PHIP: variants seen among roughly 807,000 people sequenced by gnomAD.
PHIP encodes the protein PH-interacting protein.
PHIP carries 54 observed loss-of-function variants against 236.8 expected under a neutral mutation model. The ratio of observed to expected loss-of-function variants is 0.23; its 90% CI spans 0.18 to 0.29. PHIP has a LOEUF of 0.29. PHIP is among the 10% of genes least tolerant of loss of function. The pLI is 1.00. For missense variants in PHIP, 1,370 were observed against 2,190.8 expected (o/e 0.63, Z 7.48); for synonymous variants, 756 against 718.9 (o/e 1.05, Z -0.83).
chr6:78,993,036 T>A (rs572739040), intron 19 of PHIP, among the ~76,000 whole-genome samples: 1 of 152,200 alleles, frequency 6.6e-6, no homozygotes, highest in Non-Finnish European at 1.5e-5. Context: ...AGGAATGATA[T>A]GAAAGTGAAG....
chr6:78,969,778 C>A, intron 27 of PHIP, 57 bp downstream of exon 27: 3 of 776,992 alleles, frequency 3.9e-6, no homozygotes, highest in Middle Eastern at 2.4e-4. Flanking sequence ...TAGTAAATCA[C>A]TTACTAAGAA....
intron 4 of PHIP, among the ~76,000 whole-genome samples, chr6:79,072,769 G>T (rs887158208): frequency 6.6e-6 from 1 of 152,102 alleles, no homozygotes; most frequent in Non-Finnish European, 1.5e-5. Flanking sequence ...GGACTCTTCT[G>T]AAGTTTTAAT....
intron 24 of PHIP, among the ~76,000 whole-genome samples, chr6:78,972,189 G>T (rs1767626972): frequency 6.6e-6 from 1 of 152,078 alleles, no homozygotes; most frequent in African/African-American, 2.4e-5. Flanking sequence ...ATGAGAACGG[G>T]CAGACTGCCT....
chr6:78,983,223 ATACT>A (rs1768654552), intron 22 of PHIP, 106 bp from the exon 23 acceptor site: 3 of 534,246 alleles, frequency 5.6e-6, no homozygotes, highest in Admixed American at 6.9e-5. Context: ...GACAGAACAA[ATACT>A]TAAACTACAA....
At position 79,038,117 on chromosome 6, in the gene PHIP, T is replaced by C. The variant is rs560630271; in HGVS notation, c.600+4726A>G. On this transcript the variant is annotated intron_variant, in intron 7 of 39. Transcript: ENST00000275034. ...TCACTGCACTGCAATTTCATTCCTA[T>C]CCCCAATGCTAAAACAGAACATTTT... 1.1e-3 allele frequency among the ~76,000 whole-genome samples: 170 copies of C among 152,352 alleles called. 1 individual carries two copies. The highest frequency in any genetic ancestry group is 3.9e-3 in the African/African-American group (164 of 41,596).
At chr6:79,077,629 G>A in intron 3 of PHIP, 71 bp downstream of exon 3, 2 of 899,748 alleles carry the variant, frequency 2.2e-6, no homozygotes, top group Non-Finnish European at 2.6e-6. Context: ...TGCCGGCGGC[G>A]GCAGCGGCGG....
Position 79,009,931 on chromosome 6 carries a change from T to G in PHIP, c.1524+5151A>C, listed in dbSNP as rs369556345. Among the ~76,000 whole-genome samples, 5 of 151,798 alleles carry G rather than the reference T, an allele frequency of 3.3e-5. No individual in the cohort carries two copies. The East Asian group carries it at 7.7e-4, about 23-fold the overall frequency. ...CCTGAAAGTGATAATTACTAAAGTG[T>G]ATGGTAAGAAGACCGAAAGTACTTC... On this transcript the variant is annotated intron_variant, in intron 15 of 39. Transcript: ENST00000275034.
Position 78,939,831 on chromosome 6 carries a change from T to C in PHIP, c.*862A>G, listed in dbSNP as rs971223499. The C allele has an allele frequency of 6.6e-6, 1 of 152,428 alleles. No individual in the cohort carries two copies. The highest frequency in any genetic ancestry group is 1.5e-5 in the Non-Finnish European group (1 of 67,894). 9.4% of individuals were successfully genotyped at this position (152,428 alleles called of 1,614,324 possible). The stretch of plus-strand genomic sequence containing the variant: ...GACCCACCAGTGCATTATTTTCTAT[T>C]AGTACCAAAAAAAGATATATCTCAG... On this transcript the variant is annotated 3_prime_UTR_variant, in exon 40 of 40. Coordinates refer to ENST00000275034, the MANE Select transcript of PHIP (RefSeq NM_017934.7).
intron 32 of PHIP, chr6:78,957,446 C>G (rs1766496905): frequency 6.6e-6 from 1 of 151,802 alleles, no homozygotes; most frequent in Non-Finnish European, 1.5e-5. Context: ...AGAAAGGGCA[C>G]AAACTTTACC....
At chr6:79,040,484 C>A (rs763479409) in intron 7 of PHIP, among the ~76,000 whole-genome samples, 1 of 152,122 alleles carries the variant, frequency 6.6e-6, no homozygotes, top group Non-Finnish European at 1.5e-5. Context: ...TGATCCATTA[C>A]CAAATTGTTA....
At chr6:78,957,288 CAT>C (rs1289168334) in intron 32 of PHIP, 1 of 151,896 alleles carries the variant, frequency 6.6e-6, no homozygotes, top group Non-Finnish European at 1.5e-5. Flanking sequence ...TACACATACA[CAT>C]AGTTATAACA....
intron 4 of PHIP, among the ~76,000 whole-genome samples, chr6:79,070,626 G>T (rs1396675225): frequency 2.0e-5 from 3 of 152,122 alleles, no homozygotes; most frequent in African/African-American, 7.2e-5. Context: ...TGGGTCAGCT[G>T]GAGTCCAGAA....
At chr6:78,986,145 T>C (rs1053944043) in intron 21 of PHIP, among the ~76,000 whole-genome samples, 2 of 152,214 alleles carry the variant, frequency 1.3e-5, no homozygotes, top group African/African-American at 4.8e-5. Flanking sequence ...TATAGGCACA[T>C]TTATGTTTTA....
intron 7 of PHIP, among the ~76,000 whole-genome samples, chr6:79,026,794 A>G (rs1771425781): frequency 6.6e-6 from 1 of 151,888 alleles, no homozygotes; most frequent in Admixed American, 6.6e-5. Flanking sequence ...GAACATTCCC[A>G]TTTTATATAG....
intron 15 of PHIP, among the ~76,000 whole-genome samples, chr6:79,004,869 TTA>T (rs1770199261): frequency 6.6e-5 from 10 of 152,058 alleles, no homozygotes; most frequent in Admixed American, 6.6e-5. Context: ...AATGCAGAAG[TTA>T]AAATTCAGAA....
At position 79,015,014 on chromosome 6, in the gene PHIP, T is replaced by TG. The variant is rs556982923; in HGVS notation, c.1524+67dup. 8,068 of 1,281,416 alleles carry TG rather than the reference T, an allele frequency of 6.3e-3. 50 individuals are homozygous for TG. Among genetic ancestry groups the TG allele is most frequent in the South Asian group, 9.7e-3 (729 of 75,008 alleles). The allele number at this position is 1,281,416 out of a possible 1,614,324, so 79.4% of individuals were successfully genotyped here. On this transcript the variant is annotated intron_variant, in intron 15 of 39. Transcript: ENST00000275034. ...TTTTAAATGGATTTCCTTTGTGACA[T>TG]GCAGAGTACCTTTGTCAAAAAGCTC...
intron 6 of PHIP, among the ~76,000 whole-genome samples, chr6:79,054,489 C>T (rs1772970702): frequency 6.7e-6 from 1 of 150,240 alleles, no homozygotes; most frequent in Non-Finnish European, 1.5e-5. Flanking sequence ...AGATATCTAA[C>T]TAGGAATAAA....
Position 78,965,975 on chromosome 6 carries a change from G to A in PHIP, c.3287C>T (p.Pro1096Leu). The change falls in exon 28 of 40, where the codon CCT (proline) becomes CTT (leucine). Residue 1096 changes from proline to leucine, a missense_variant. Coordinates refer to ENST00000275034, the MANE Select transcript of PHIP (RefSeq NM_017934.7). ...ATTGTAGCATTGAAACAGACTATCA[G>A]GGTACTCAAGTTGAAGAGGTTCCTG... ...ESQEPLQLEY[P>L]DSLFQCYNVC... 6.2e-7 allele frequency: 1 copy of A among 1,610,856 alleles called. No individual in the cohort carries two copies. The highest frequency in any genetic ancestry group is 1.1e-5 in the South Asian group (1 of 90,980).
chr6:78,983,623 G>C (rs1317769838), intron 22 of PHIP, among the ~76,000 whole-genome samples: 3 of 152,116 alleles, frequency 2.0e-5, no homozygotes, highest in Non-Finnish European at 4.4e-5. Flanking sequence ...GCTGGATATT[G>C]AACTGGCAGA....
Sources: gnomAD v4.1 joint callset for allele counts (sites outside exome capture counted in the v4.1 genomes callset) on GRCh38, gnomAD v4.1.1 for gene constraint, MANE v1.5 for transcripts, NCBI Gene and HGNC (gene_info 2026-07-23, HGNC 2026-07-21) for gene names.